RPTOR: variants seen among roughly 807,000 people sequenced by gnomAD.
RPTOR encodes the protein regulatory-associated protein of mTOR.
A neutral mutation model predicts 169.9 loss-of-function variants in RPTOR; 21 were observed. The ratio of observed to expected loss-of-function variants is 0.12; its 90% CI spans 0.09 to 0.18. The LOEUF is 0.18. Among genes scored for constraint, RPTOR ranks in the 10% least tolerant of loss-of-function variants. The probability of loss-of-function intolerance (pLI) is 1.00; values close to 1 mark genes in which losing one functional copy is unlikely to be tolerated. For synonymous variants in RPTOR, 732 were observed against 753.2 expected, an observed-to-expected ratio of 0.97 and a Z score of 0.46; for missense variants, 1,133 against 1,855.9, an observed-to-expected ratio of 0.61 and a Z score of 7.16.
chr17:80,769,416 A>C (rs2066819690), intron 6 of RPTOR, among the ~76,000 whole-genome samples: 1 of 152,260 alleles, frequency 6.6e-6, no homozygotes, highest in Admixed American at 6.5e-5. Flanking sequence ...ACAGTCACTG[A>C]GAACAGCCCG....
intron 24 of RPTOR, among the ~76,000 whole-genome samples, chr17:80,928,304 T>G (rs2068836547): frequency 6.6e-6 from 1 of 152,266 alleles, no homozygotes; most frequent in Admixed American, 6.5e-5. Context: ...ATTCTTTTAC[T>G]GATTTAATTC....
At chr17:80,920,593 C>A (rs556817444) in intron 21 of RPTOR, among the ~76,000 whole-genome samples, 4 of 152,250 alleles carry the variant, frequency 2.6e-5, no homozygotes, top group Non-Finnish European at 5.9e-5. Flanking sequence ...GGTACTCCCA[C>A]GGGCGCTTCC....
intron 4 of RPTOR, among the ~76,000 whole-genome samples, chr17:80,716,215 C>T (rs913211220): frequency 2.0e-5 from 3 of 152,218 alleles, no homozygotes; most frequent in African/African-American, 7.2e-5. Flanking sequence ...ATTACCACAT[C>T]CACACCAGCA....
Position 80,707,238 on chromosome 17 carries a change from C to T in RPTOR, c.349-603C>T, listed in dbSNP as rs2066148731. Among the ~76,000 whole-genome samples the T allele has an allele frequency of 6.6e-6, 1 of 152,200 alleles. No homozygotes were observed. The highest frequency in any genetic ancestry group is 2.1e-4 in the South Asian group (1 of 4,824). On this transcript the variant is annotated intron_variant, in intron 3 of 33. Coordinates refer to ENST00000306801, the MANE Select transcript of RPTOR (RefSeq NM_020761.3). This position sits in a 1 kb window ranked among gnomAD's most constrained non-coding sequence, Gnocchi z 5.0. ...CATGCTCCAGATGTTTTCAGAAGGA[C>T]CGCGTACTTCTGAGAAACACTTGGT...
intron 3 of RPTOR, among the ~76,000 whole-genome samples, chr17:80,693,638 G>T (rs1302423243): frequency 6.6e-6 from 1 of 152,208 alleles, no homozygotes; most frequent in Admixed American, 6.5e-5. Flanking sequence ...CTTTGGGTTC[G>T]GTGTACGCAA....
rs2068955455 is a variant in RPTOR, at chr17:80,936,465, G to A, written c.2920-4031G>A. 6.6e-6 allele frequency among the ~76,000 whole-genome samples: 1 copy of A among 152,100 alleles called. No individual in the cohort carries two copies. The highest frequency in any genetic ancestry group is 2.4e-5 in the African/African-American group (1 of 41,422). On this transcript the variant is annotated intron_variant, in intron 24 of 33. Transcript: ENST00000306801. This position sits in a 1 kb window ranked among gnomAD's most constrained non-coding sequence, Gnocchi z 4.1. The stretch of plus-strand genomic sequence containing the variant: ...AAACAACCCAAGTTTCCTTCACCTC[G>A]TAAAGAGAGAAGCTGATACAACCAT...
chr17:80,600,036 G>A (rs547732631), intron 1 of RPTOR, among the ~76,000 whole-genome samples: 2 of 152,284 alleles, frequency 1.3e-5, no homozygotes, highest in African/African-American at 4.8e-5. Context: ...CCGGCAAAAT[G>A]CATCTGGACT....
chr17:80,847,867 G>T (rs2067749861), intron 11 of RPTOR, among the ~76,000 whole-genome samples: 1 of 152,228 alleles, frequency 6.6e-6, no homozygotes, highest in Admixed American at 6.5e-5. Flanking sequence ...CACTAGACCA[G>T]GTGTTCATCC....
rs148387542 is a variant in RPTOR at position 80,882,900 on chromosome 17, A to C, written c.1585-519A>C. On this transcript the variant is annotated intron_variant, in intron 14 of 33. Transcript: ENST00000306801. ...CGACGTGTGTGTAAAAAACTAAGGC[A>C]CCGCTAAAAAGTTACAAATAGACTC... is the stretch of plus-strand genomic sequence containing the variant. 2.3e-4 allele frequency among the ~76,000 whole-genome samples: 35 copies of C among 152,352 alleles called. 1 individual carries two copies. The East Asian group carries it at 6.6e-3, about 29-fold the overall frequency.
chr17:80,938,611 A>G (rs2068984176), intron 24 of RPTOR, among the ~76,000 whole-genome samples: 1 of 152,240 alleles, frequency 6.6e-6, no homozygotes, highest in Admixed American at 6.5e-5. Flanking sequence ...TTTCTAAATC[A>G]GAAAATGTGC....
At position 80,846,632 on chromosome 17, in the gene RPTOR, C is replaced by T. The variant is rs1182477492; in HGVS notation, c.1314+58C>T. The T allele has an allele frequency of 2.1e-6, 3 of 1,424,828 alleles. 1 individual carries two copies. Among genetic ancestry groups the T allele is most frequent in the African/African-American group, 2.8e-5 (2 of 71,750 alleles). The allele number at this position is 1,424,828 out of a possible 1,614,324, so 88.3% of individuals were successfully genotyped here. ...GGTTCCTCAGGAAGGAAGCCAGATG[C>T]CTGTACAGCCCCGGGAGTGCCTTCT... On this transcript the variant is annotated intron_variant, in intron 11 of 33. Coordinates refer to ENST00000306801, the MANE Select transcript of RPTOR (RefSeq NM_020761.3).
intron 3 of RPTOR, among the ~76,000 whole-genome samples, chr17:80,662,136 A>G (rs2143650204): frequency 6.6e-6 from 1 of 152,098 alleles, no homozygotes; most frequent in South Asian, 2.1e-4. Flanking sequence ...GCTTAATCAC[A>G]CTCAAAGCAA....
At chr17:80,575,406 G>T (rs889557256) in intron 1 of RPTOR, among the ~76,000 whole-genome samples, 2 of 152,148 alleles carry the variant, frequency 1.3e-5, no homozygotes, top group African/African-American at 4.8e-5. Flanking sequence ...CTTTTTCTAG[G>T]ATTTATTTTT....
chr17:80,956,443 G>A (rs542634756), intron 28 of RPTOR, among the ~76,000 whole-genome samples: 9 of 152,372 alleles, frequency 5.9e-5, no homozygotes, highest in Middle Eastern at 3.4e-3. Flanking sequence ...CATTCTCTCC[G>A]TCCATCCCTT....
At chr17:80,729,554 T>G (rs898693245) in intron 4 of RPTOR, among the ~76,000 whole-genome samples, 5 of 152,234 alleles carry the variant, frequency 3.3e-5, no homozygotes, top group Non-Finnish European at 7.3e-5. Context: ...ACTCAGCAGA[T>G]TAGTGTTACT....
chr17:80,674,344 A>G (rs1248675917), intron 3 of RPTOR, among the ~76,000 whole-genome samples: 1 of 152,192 alleles, frequency 6.6e-6, no homozygotes, highest in Non-Finnish European at 1.5e-5. Context: ...CGGAAAGAAG[A>G]AGTAGGGAAG....
intron 2 of RPTOR, among the ~76,000 whole-genome samples, chr17:80,634,836 G>A (rs2065491943): frequency 7.2e-6 from 1 of 138,374 alleles, no homozygotes; most frequent in Non-Finnish European, 1.6e-5. Flanking sequence ...GTGTGTGTGT[G>A]CATACCGTGT....
In RPTOR at chr17:80,754,310, C is replaced by T. The variant is rs900664095; in HGVS notation, c.830+125C>T. 17 of 944,988 alleles carry T rather than the reference C, an allele frequency of 1.8e-5. No homozygotes were observed. The highest frequency in any genetic ancestry group is 3.3e-5 in the African/African-American group (2 of 60,900). 58.5% of individuals were successfully genotyped at this position (944,988 alleles called of 1,614,324 possible). A position where few individuals can be genotyped will look rare whatever the true frequency, so the allele number is the denominator to read the frequency against. ...CCCACGTGACAGACATGAGTGTCCC[C>T]GCCTTCTTTTTGTGTCATTCGGGAT... On this transcript the variant is annotated intron_variant, in intron 6 of 33. Coordinates refer to ENST00000306801, the MANE Select transcript of RPTOR (RefSeq NM_020761.3). This position sits in a 1 kb window ranked among gnomAD's most constrained non-coding sequence, Gnocchi z 4.2.
intron 1 of RPTOR, among the ~76,000 whole-genome samples, chr17:80,605,011 C>T (rs951302033): frequency 2.6e-5 from 4 of 151,710 alleles, no homozygotes; most frequent in African/African-American, 9.7e-5. Flanking sequence ...CCTCTTGCCT[C>T]GTCCTCCCAA....
Sources: gnomAD v4.1 joint callset for allele counts (sites outside exome capture counted in the v4.1 genomes callset) on GRCh38, gnomAD v4.1.1 for gene constraint, Gnocchi (gnomAD v3.1) non-coding constraint, MANE v1.5 for transcripts, NCBI Gene and HGNC (gene_info 2026-07-23, HGNC 2026-07-21) for gene names.